Variants in CMTM8 observed in about 807,000 individuals in gnomAD.
CMTM8 encodes CKLF like MARVEL transmembrane domain containing 8.
Under a neutral mutation model 18.6 loss-of-function variants are expected in CMTM8, and 12 were observed. That is an observed-to-expected ratio of 0.65 (90% confidence interval 0.41 to 1.05). CMTM8 has a LOEUF of 1.05. Ranked by LOEUF, CMTM8 falls within the 50% of genes least tolerant of loss-of-function variation. The pLI, the probability that CMTM8 is intolerant of heterozygous loss-of-function variation, is 0.00. For synonymous variants in CMTM8, 87 were observed against 90.6 expected, an observed-to-expected ratio of 0.96 and a Z score of 0.23; for missense variants, 217 against 227.2, an observed-to-expected ratio of 0.95 and a Z score of 0.29.
intron 1 of CMTM8, among the ~76,000 whole-genome samples, chr3:32,265,741 A>G (rs1702330764): frequency 6.6e-6 from 1 of 152,244 alleles, no homozygotes; most frequent in South Asian, 2.1e-4. Context: ...AGAAGAATCA[A>G]ATAGACGCAA....
chr3:32,286,171 C>G (rs1702679528), intron 1 of CMTM8, among the ~76,000 whole-genome samples: 1 of 152,322 alleles, frequency 6.6e-6, no homozygotes, highest in African/African-American at 2.4e-5. Flanking sequence ...ACCTCTGCCA[C>G]TGTAGCACAA....
chr3:32,279,533 A>G (rs2125548809), intron 1 of CMTM8, among the ~76,000 whole-genome samples: 1 of 109,080 alleles, frequency 9.2e-6, no homozygotes, highest in South Asian at 3.7e-4. Context: ...GCTGCATAGT[A>G]TTCCATGGTG....
chr3:32,298,022 A>G (rs539387678), intron 1 of CMTM8, among the ~76,000 whole-genome samples: 1 of 151,848 alleles, frequency 6.6e-6, no homozygotes, highest in African/African-American at 2.4e-5. Flanking sequence ...CATTGCTCAG[A>G]ACTCCAACAA....
intron 1 of CMTM8, among the ~76,000 whole-genome samples, chr3:32,309,387 AACCTCC>A (rs1049059674): frequency 2.1e-5 from 3 of 142,808 alleles, no homozygotes; most frequent in African/African-American, 7.9e-5. Flanking sequence ...AGCTCACTGC[AACCTCC>A]ACCTCCCGGG....
chr3:32,275,885 A>G (rs1289291239), intron 1 of CMTM8, among the ~76,000 whole-genome samples: 1 of 151,968 alleles, frequency 6.6e-6, no homozygotes, highest in African/African-American at 2.4e-5. Context: ...CCTGGCCTCA[A>G]GTGATCTGCC....
At chr3:32,281,099 A>C (rs192256191) in intron 1 of CMTM8, among the ~76,000 whole-genome samples, 1 of 152,144 alleles carries the variant, frequency 6.6e-6, no homozygotes, top group Non-Finnish European at 1.5e-5. Flanking sequence ...GACAATCCTG[A>C]GGTTTGATGC....
chr3:32,284,096 A>T (rs1410454478), intron 1 of CMTM8, among the ~76,000 whole-genome samples: 2 of 152,190 alleles, frequency 1.3e-5, no homozygotes, highest in African/African-American at 4.8e-5. Context: ...TACTAAAAGT[A>T]CAAAAAATCA....
At position 32,238,919 on chromosome 3, in the gene CMTM8, G is replaced by A; in HGVS notation, c.-54G>A. The A allele has an allele frequency of 6.6e-7, 1 of 1,516,286 alleles. No individual in the cohort carries two copies. The highest frequency in any genetic ancestry group is 8.9e-7 in the Non-Finnish European group (1 of 1,129,812). 93.9% of individuals were successfully genotyped at this position (1,516,286 alleles called of 1,614,324 possible). The stretch of plus-strand genomic sequence containing the variant: ...CCCAGGGCGCAGGGCCGCGCGTCCA[G>A]CCCCAGACCCGCCGGGGTCCCTGGG... On this transcript the variant is annotated 5_prime_UTR_variant, in exon 1 of 4. Transcript: ENST00000307526.
At chr3:32,310,142 G>T (rs1468166255) in intron 1 of CMTM8, among the ~76,000 whole-genome samples, 2 of 148,610 alleles carry the variant, frequency 1.3e-5, no homozygotes, top group African/African-American at 5.1e-5. Context: ...GGCTGTGGAT[G>T]ATTTTTAAAA....
chr3:32,319,031 T>G (rs1218251936), intron 1 of CMTM8, among the ~76,000 whole-genome samples: 1 of 138,974 alleles, frequency 7.2e-6, no homozygotes, highest in East Asian at 2.0e-4. Context: ...TTGAAAATAT[T>G]AAATTTATAT....
At chr3:32,324,562 G>C (rs1696119909) in intron 1 of CMTM8, among the ~76,000 whole-genome samples, 1 of 152,204 alleles carries the variant, frequency 6.6e-6, no homozygotes, top group Admixed American at 6.5e-5. Context: ...TTCTCTAAGA[G>C]GGTGAAAAGG....
At chr3:32,292,446 A>G (rs1702796656) in intron 1 of CMTM8, among the ~76,000 whole-genome samples, 1 of 152,116 alleles carries the variant, frequency 6.6e-6, no homozygotes, top group Admixed American at 6.5e-5. Flanking sequence ...TCTTTTCTCA[A>G]TTAAATTCAA....
intron 1 of CMTM8, among the ~76,000 whole-genome samples, chr3:32,288,601 A>C (rs1043676838): frequency 1.3e-5 from 2 of 152,000 alleles, no homozygotes; most frequent in Non-Finnish European, 2.9e-5. Flanking sequence ...TCCTGGTTCA[A>C]ACAACTCCCC....
At chr3:32,369,833 T>C in intron 3 of CMTM8, 51 bp from the exon 4 acceptor site, 1 of 1,198,796 alleles carries the variant, frequency 8.3e-7, no homozygotes. Context: ...TAACTTTTGC[T>C]AATTAGGATG....
Position 32,240,601 on chromosome 3 carries a change from C to A in CMTM8, c.147+1482C>A, listed in dbSNP as rs968696153. Among the ~76,000 whole-genome samples the A allele has an allele frequency of 4.6e-5, 7 of 152,138 alleles. No homozygotes were observed. In the East Asian group the frequency reaches 1.4e-3, roughly 29 times the overall value. On this transcript the variant is annotated intron_variant, in intron 1 of 3. Transcript: ENST00000307526. ...GTGTACTGCGCTTTTTCAGGAAATA[C>A]AAAAGTGAAAGAAATGTAAGTGGCC... is the stretch of plus-strand genomic sequence containing the variant.
intron 1 of CMTM8, among the ~76,000 whole-genome samples, chr3:32,335,374 C>T (rs1033627300): frequency 3.3e-5 from 5 of 152,190 alleles, no homozygotes; most frequent in African/African-American, 1.2e-4. Context: ...TGGAGTCAGG[C>T]GCACTAGGTG....
At chr3:32,289,842 A>T (rs904770151) in intron 1 of CMTM8, among the ~76,000 whole-genome samples, 1 of 152,182 alleles carries the variant, frequency 6.6e-6, no homozygotes, top group Non-Finnish European at 1.5e-5. Flanking sequence ...GGATGGGGGA[A>T]AAAGGAGGCC....
rs149657486 is a variant in CMTM8 at position 32,283,432 on chromosome 3, C to T, written c.147+44313C>T. On this transcript the variant is annotated intron_variant, in intron 1 of 3. Coordinates refer to ENST00000307526, the MANE Select transcript of CMTM8 (RefSeq NM_178868.5). ...TGCTATCTGGCTTCTGTGCTGCAGT[C>T]GGGGAGCTCACATCGCAGGCGCATG... 7.4e-4 allele frequency among the ~76,000 whole-genome samples: 112 copies of T among 152,278 alleles called. 1 individual carries two copies. In the East Asian group the frequency reaches 0.01, roughly 14 times the overall value.
chr3:32,262,898 A>G (rs1228964054), intron 1 of CMTM8, among the ~76,000 whole-genome samples: 1 of 151,852 alleles, frequency 6.6e-6, no homozygotes, highest in African/African-American at 2.4e-5. Context: ...GAGCGGGAAC[A>G]TAGAATTTAG....
Sources: gnomAD v4.1 joint callset for allele counts (sites outside exome capture counted in the v4.1 genomes callset) on GRCh38, gnomAD v4.1.1 for gene constraint, MANE v1.5 for transcripts, NCBI Gene and HGNC (gene_info 2026-07-23, HGNC 2026-07-21) for gene names.